Variants in CNBD1 observed in about 807,000 individuals in gnomAD.
The protein encoded by CNBD1 is cyclic nucleotide binding domain containing 1.
A neutral mutation model predicts 54.4 loss-of-function variants in CNBD1; 71 were observed. The ratio of observed to expected loss-of-function variants is 1.30; its 90% CI spans 1.08 to 1.59. The LOEUF is 1.59. Ranked by LOEUF, CNBD1 falls within the 40% of genes most tolerant of loss-of-function variation. CNBD1 has a pLI of 0.00. For synonymous variants in CNBD1, 182 were observed against 170.7 expected, an observed-to-expected ratio of 1.07 and a Z score of -0.51; for missense variants, 659 against 518.0, an observed-to-expected ratio of 1.27 and a Z score of -2.64.
chr8:87,087,832 A>T (rs1012409287), intron 4 of CNBD1, among the ~76,000 whole-genome samples: 1 of 152,124 alleles, frequency 6.6e-6, no homozygotes, highest in Admixed American at 6.5e-5. Flanking sequence ...CACTGAGTTT[A>T]CCTTTCTCAT....
chr8:86,918,585 T>C (rs1809223339), intron 3 of CNBD1, among the ~76,000 whole-genome samples: 1 of 151,868 alleles, frequency 6.6e-6, no homozygotes, highest in Non-Finnish European at 1.5e-5. Context: ...GATCTGATGG[T>C]TTTATAAGGG....
At chr8:87,319,959 T>C (rs1809484508) in intron 8 of CNBD1, among the ~76,000 whole-genome samples, 1 of 152,048 alleles carries the variant, frequency 6.6e-6, no homozygotes, top group South Asian at 2.1e-4. Flanking sequence ...TTTTTGAGAA[T>C]GGCACTATTT....
intron 8 of CNBD1, among the ~76,000 whole-genome samples, chr8:87,323,801 TCC>T: frequency 1.2e-5 from 1 of 81,180 alleles, no homozygotes; most frequent in Admixed American, 1.1e-4. Flanking sequence ...TATTTCCTTC[TCC>T]TGCCTGATTG....
chr8:87,013,763 T>C (rs1809273138), intron 4 of CNBD1, among the ~76,000 whole-genome samples: 1 of 151,830 alleles, frequency 6.6e-6, no homozygotes, highest in Admixed American at 6.6e-5. Context: ...TTAAAGGCCT[T>C]TATAAATTCT....
chr8:87,059,886 T>A (rs1810506287), intron 4 of CNBD1, among the ~76,000 whole-genome samples: 1 of 152,192 alleles, frequency 6.6e-6, no homozygotes, highest in Non-Finnish European at 1.5e-5. Flanking sequence ...CAAGGGAAGG[T>A]ACCCCTTGTC....
chr8:87,037,142 A>T (rs1162727053), intron 4 of CNBD1, among the ~76,000 whole-genome samples: 1 of 152,190 alleles, frequency 6.6e-6, no homozygotes, highest in Admixed American at 6.6e-5. Flanking sequence ...AAATAATTTT[A>T]TCTTGGAATT....
At chr8:87,248,860 T>C (rs1243721483) in intron 6 of CNBD1, among the ~76,000 whole-genome samples, 1 of 152,116 alleles carries the variant, frequency 6.6e-6, no homozygotes, top group African/African-American at 2.4e-5. Flanking sequence ...AAGTACACAG[T>C]GCAGGAAAGA....
At chr8:87,399,607 A>T (rs770117790) in intron 2 of CNBD1, among the ~76,000 whole-genome samples, 1 of 152,112 alleles carries the variant, frequency 6.6e-6, no homozygotes, top group African/African-American at 2.4e-5. Flanking sequence ...TGAGAGCAGG[A>T]GTGTTATTCA....
intron 6 of CNBD1, among the ~76,000 whole-genome samples, chr8:87,274,203 C>T (rs1245918303): frequency 6.6e-6 from 1 of 151,338 alleles, no homozygotes; most frequent in Non-Finnish European, 1.5e-5. Context: ...CAAGTCTTTG[C>T]TATCGTGAAT....
At chr8:87,328,344 GT>G (rs1175129666) in intron 8 of CNBD1, among the ~76,000 whole-genome samples, 15 of 151,566 alleles carry the variant, frequency 9.9e-5, no homozygotes, top group African/African-American at 1.9e-4. Flanking sequence ...TAATTATTTT[GT>G]TTAATCTTTT....
At chr8:87,334,277 CTTT>C (rs1170040641) in intron 8 of CNBD1, among the ~76,000 whole-genome samples, 3 of 151,806 alleles carry the variant, frequency 2.0e-5, no homozygotes, top group Non-Finnish European at 4.4e-5. Flanking sequence ...CTCTTTTCTT[CTTT>C]ATTAGTCTAG....
intron 4 of CNBD1, among the ~76,000 whole-genome samples, chr8:86,997,593 G>T (rs1035712141): frequency 6.6e-6 from 1 of 152,166 alleles, no homozygotes; most frequent in African/African-American, 2.4e-5. Context: ...AATAGGGCCT[G>T]TAAAAGTGGG....
intron 8 of CNBD1, among the ~76,000 whole-genome samples, chr8:87,348,178 A>T (rs1291378400): frequency 6.6e-6 from 1 of 152,166 alleles, no homozygotes; most frequent in Non-Finnish European, 1.5e-5. Flanking sequence ...AAGGCATTGT[A>T]TAATTGGAAA....
At chr8:86,877,604 G>A (rs1256927141) in intron 1 of CNBD1, among the ~76,000 whole-genome samples, 1 of 152,038 alleles carries the variant, frequency 6.6e-6, no homozygotes, top group East Asian at 1.9e-4. Context: ...CTTTATCTTT[G>A]AAATATGGTA....
intron 3 of CNBD1, 30 bp from the exon 4 acceptor site, chr8:86,939,566 C>A (rs1428253207): frequency 6.6e-7 from 1 of 1,515,754 alleles, no homozygotes; most frequent in Non-Finnish European, 8.9e-7. Context: ...CAGTATACAA[C>A]AGCATAAAAT....
intron 8 of CNBD1, among the ~76,000 whole-genome samples, chr8:87,335,012 C>G (rs1266374923): frequency 6.6e-6 from 1 of 152,102 alleles, no homozygotes; most frequent in Non-Finnish European, 1.5e-5. Flanking sequence ...GCATGAGCCA[C>G]TGTGCCCAGC....
At chr8:87,082,166 C>T (rs1401229859) in intron 4 of CNBD1, among the ~76,000 whole-genome samples, 1 of 152,156 alleles carries the variant, frequency 6.6e-6, no homozygotes, top group African/African-American at 2.4e-5. Context: ...GTTCCTGCCC[C>T]ACCCCAATTA....
chr8:87,040,203 G>A (rs1164788690), intron 4 of CNBD1, among the ~76,000 whole-genome samples: 1 of 152,150 alleles, frequency 6.6e-6, no homozygotes, highest in Admixed American at 6.5e-5. Context: ...GAGACAGATT[G>A]TTACTGTCTT....
At chr8:87,207,861 T>G (rs1039765650) in intron 5 of CNBD1, among the ~76,000 whole-genome samples, 2 of 152,338 alleles carry the variant, frequency 1.3e-5, no homozygotes, top group African/African-American at 4.8e-5. Context: ...GGAGACTCTG[T>G]GTTTACACCT....
Sources: allele counts gnomAD v4.1 joint callset (sites outside exome capture counted in the v4.1 genomes callset), GRCh38; gene constraint gnomAD v4.1.1; transcripts MANE v1.5; gene names NCBI Gene and HGNC (gene_info 2026-07-23, HGNC 2026-07-21).